ANKS1B: variants seen among roughly 807,000 people sequenced by gnomAD.
ANKS1B encodes the protein ankyrin repeat and sterile alpha motif domain containing 1B.
Under a neutral mutation model 148.3 loss-of-function variants are expected in ANKS1B, and 36 were observed. The observed-to-expected ratio is 0.24, with a 90% confidence interval of 0.19 to 0.32. The LOEUF is 0.32. Among genes scored for constraint, ANKS1B ranks in the 10% least tolerant of loss-of-function variants. The probability of loss-of-function intolerance (pLI) is 1.00; values close to 1 mark genes in which losing one functional copy is unlikely to be tolerated. For missense variants in ANKS1B, 1,157 were observed against 1,542.6 expected (o/e 0.75, Z 4.19); for synonymous variants, 542 against 560.8 (o/e 0.97, Z 0.47).
At chr12:99,205,702 AG>A (rs2082587252) in intron 14 of ANKS1B, among the ~76,000 whole-genome samples, 2 of 152,256 alleles carry the variant, frequency 1.3e-5, no homozygotes, top group Admixed American at 1.3e-4. Context: ...TGAGGTGCCA[AG>A]GGTTAGTCTG....
At chr12:99,007,255 C>T (rs1482916804) in intron 17 of ANKS1B, among the ~76,000 whole-genome samples, 1 of 152,096 alleles carries the variant, frequency 6.6e-6, no homozygotes, top group Non-Finnish European at 1.5e-5. Context: ...TAATCTGGTA[C>T]CACAGAACTT....
intron 17 of ANKS1B, among the ~76,000 whole-genome samples, chr12:99,029,539 C>G (rs1350176775): frequency 6.6e-6 from 1 of 152,204 alleles, no homozygotes; most frequent in Admixed American, 6.5e-5. Flanking sequence ...GCACAATCTA[C>G]AGTGAAGTAC....
chr12:99,723,201 G>A (rs930947614), intron 8 of ANKS1B, among the ~76,000 whole-genome samples: 20 of 152,150 alleles, frequency 1.3e-4, no homozygotes, highest in African/African-American at 4.1e-4. Flanking sequence ...TGAGCTCTTT[G>A]GGGGAGGGGC....
chr12:99,031,269 G>A (rs1265975904), intron 17 of ANKS1B, among the ~76,000 whole-genome samples: 1 of 152,134 alleles, frequency 6.6e-6, no homozygotes, highest in African/African-American at 2.4e-5. Context: ...TAAATCATAT[G>A]CCAGGAATTC....
At chr12:99,117,082 A>G (rs767829709) in intron 15 of ANKS1B, among the ~76,000 whole-genome samples, 1 of 152,234 alleles carries the variant, frequency 6.6e-6, no homozygotes, top group Non-Finnish European at 1.5e-5. Flanking sequence ...GTTGCTTATC[A>G]GTGTAAAGAG....
chr12:99,504,746 G>A (rs2096689733), intron 9 of ANKS1B, 105 bp from the exon 10 acceptor site: 1 of 786,224 alleles, frequency 1.3e-6, no homozygotes, highest in Non-Finnish European at 1.9e-6. Context: ...TTTCCAAAGT[G>A]ATTGACAGCT....
At chr12:99,563,419 A>T (rs186982551) in intron 9 of ANKS1B, among the ~76,000 whole-genome samples, 1 of 152,128 alleles carries the variant, frequency 6.6e-6, no homozygotes, top group Non-Finnish European at 1.5e-5. Context: ...TAATTGGCTT[A>T]ATTTCTATAT....
At chr12:99,979,360 G>A (rs1235575734) in intron 1 of ANKS1B, among the ~76,000 whole-genome samples, 1 of 152,154 alleles carries the variant, frequency 6.6e-6, no homozygotes, top group Non-Finnish European at 1.5e-5. Context: ...AGTTCTGGCA[G>A]AGTAAAAGGA....
chr12:98,897,694 G>A (rs890760373), intron 17 of ANKS1B, among the ~76,000 whole-genome samples: 1 of 152,178 alleles, frequency 6.6e-6, no homozygotes, highest in Non-Finnish European at 1.5e-5. Flanking sequence ...ACTACCATTC[G>A]ACCCAGCAAT....
chr12:99,266,972 T>G (rs992453073), intron 12 of ANKS1B, among the ~76,000 whole-genome samples: 3 of 152,194 alleles, frequency 2.0e-5, no homozygotes, highest in Non-Finnish European at 4.4e-5. Context: ...AGTCTGCCTT[T>G]GTTATGAATA....
At chr12:99,221,790 CA>C (rs1480932615) in intron 14 of ANKS1B, among the ~76,000 whole-genome samples, 3 of 152,242 alleles carry the variant, frequency 2.0e-5, no homozygotes, top group African/African-American at 7.2e-5. Flanking sequence ...AAAGTACAAA[CA>C]TCCCTGAACC....
chr12:99,099,048 GTC>G (rs1250667386), intron 15 of ANKS1B, among the ~76,000 whole-genome samples: 1 of 151,952 alleles, frequency 6.6e-6, no homozygotes, highest in African/African-American at 2.4e-5. Context: ...CTCTTCATTG[GTC>G]TCTCTATCTT....
intron 22 of ANKS1B, among the ~76,000 whole-genome samples, chr12:98,783,806 T>C (rs1021001244): frequency 6.6e-6 from 1 of 152,156 alleles, no homozygotes; most frequent in Admixed American, 6.5e-5. Flanking sequence ...AGCTTTTCAC[T>C]AGAGAGTGAC....
At chr12:99,172,576 C>T (rs1472964076) in intron 14 of ANKS1B, among the ~76,000 whole-genome samples, 7 of 152,140 alleles carry the variant, frequency 4.6e-5, no homozygotes, top group South Asian at 2.1e-4. Context: ...ATTTAGTCTG[C>T]CATGCCTCAG....
intron 9 of ANKS1B, among the ~76,000 whole-genome samples, chr12:99,581,432 G>C (rs2097568557): frequency 6.6e-6 from 1 of 152,094 alleles, no homozygotes; most frequent in African/African-American, 2.4e-5. Context: ...TTAAATGTAG[G>C]CCCTAAACTA....
chr12:98,850,264 T>A (rs774199388), intron 17 of ANKS1B, among the ~76,000 whole-genome samples: 53 of 152,314 alleles, frequency 3.5e-4, no homozygotes, highest in Middle Eastern at 3.4e-3. Flanking sequence ...TTGTCATATA[T>A]CCCACAATTG....
chr12:99,526,206 C>G (rs1044999101), intron 9 of ANKS1B, among the ~76,000 whole-genome samples: 44 of 152,140 alleles, frequency 2.9e-4, no homozygotes, highest in Admixed American at 2.7e-3. Flanking sequence ...GACTAACCAT[C>G]TGTTAGTCAA....
At chr12:99,449,436 C>T (rs1022729768) in intron 10 of ANKS1B, among the ~76,000 whole-genome samples, 5 of 152,062 alleles carry the variant, frequency 3.3e-5, no homozygotes, top group African/African-American at 1.2e-4. Flanking sequence ...ATACCAGATG[C>T]TGAAGTCTGT....
At chr12:99,877,804 C>A (rs888122972) in intron 1 of ANKS1B, among the ~76,000 whole-genome samples, 3 of 152,298 alleles carry the variant, frequency 2.0e-5, no homozygotes, top group African/African-American at 7.2e-5. Flanking sequence ...CACCTGTAAT[C>A]CCAACTCTTT....
Sources: allele counts gnomAD v4.1 joint callset (sites outside exome capture counted in the v4.1 genomes callset), GRCh38; gene constraint gnomAD v4.1.1; transcripts MANE v1.5; gene names NCBI Gene and HGNC (gene_info 2026-07-23, HGNC 2026-07-21).